CPNE8: variants seen among roughly 807,000 people sequenced by gnomAD.
CPNE8 encodes copine 8.
CPNE8 carries 45 observed loss-of-function variants against 81.5 expected under a neutral mutation model. The observed-to-expected ratio is 0.55, with a 90% CI of 0.44 to 0.71. The LOEUF is 0.71. Among genes scored for constraint, CPNE8 ranks in the 30% least tolerant of loss-of-function variants. The pLI is 0.00. For missense variants in CPNE8, 594 were observed against 672.1 expected (o/e 0.88, Z 1.28); for synonymous variants, 252 against 226.3 (o/e 1.11, Z -1.02).
chr12:38,783,510 C>A (rs1255598054), intron 6 of CPNE8, among the ~76,000 whole-genome samples: 8 of 152,074 alleles, frequency 5.3e-5, no homozygotes, highest in Admixed American at 2.6e-4. Context: ...CTCAGTGCTG[C>A]CCTGTTATAG....
chr12:38,824,258 T>TA (rs1943152787), intron 6 of CPNE8, among the ~76,000 whole-genome samples: 2 of 152,098 alleles, frequency 1.3e-5, no homozygotes, highest in South Asian at 4.1e-4. Flanking sequence ...ATGACAACAA[T>TA]AACCAAAACA....
chr12:38,721,300 TG>T, intron 13 of CPNE8: 1 of 153,780 alleles, frequency 6.5e-6, no homozygotes, highest in East Asian at 1.9e-4. Context: ...TGCTAGGAGC[TG>T]GGGAGATGAT....
intron 8 of CPNE8, among the ~76,000 whole-genome samples, chr12:38,767,429 T>C (rs907105632): frequency 5.3e-5 from 8 of 152,230 alleles, no homozygotes; most frequent in African/African-American, 1.7e-4. Flanking sequence ...TCTATGAAAC[T>C]AGAAATTTTT....
intron 13 of CPNE8, among the ~76,000 whole-genome samples, chr12:38,715,702 A>G (rs977841564): frequency 1.3e-5 from 2 of 152,124 alleles, no homozygotes; most frequent in African/African-American, 4.8e-5. Context: ...AATGGAGAAA[A>G]GTTGAAAGCA....
chr12:38,726,912 A>T (rs1362848149), intron 11 of CPNE8, among the ~76,000 whole-genome samples: 1 of 152,172 alleles, frequency 6.6e-6, no homozygotes, highest in Non-Finnish European at 1.5e-5. Context: ...TTGCATAAAG[A>T]TGTTTTCATT....
rs1197471923 is a variant in CPNE8, at chr12:38,653,046, G to T, written c.*836C>A. On this transcript the variant is annotated 3_prime_UTR_variant, in exon 20 of 20. Transcript: ENST00000331366. ...TCACAGTTAAATAGTCTTGGTTTCAGTCTTTCTAAATAGCATTATTATATA... is the reference window on the plus strand; with the variant it reads ...TCACAGTTAAATAGTCTTGGTTTCATTCTTTCTAAATAGCATTATTATATA... 6.6e-6 allele frequency: 1 copy of T among 152,504 alleles called. No homozygotes were observed. The highest frequency in any genetic ancestry group is 1.5e-5 in the Non-Finnish European group (1 of 68,006). 9.4% of individuals were successfully genotyped at this position (152,504 alleles called of 1,614,324 possible). A position where few individuals can be genotyped will look rare whatever the true frequency, so the allele number is the denominator to read the frequency against.
intron 6 of CPNE8, among the ~76,000 whole-genome samples, chr12:38,779,944 A>G (rs1942011234): frequency 6.6e-6 from 1 of 152,126 alleles, no homozygotes; most frequent in South Asian, 2.1e-4. Flanking sequence ...AATATTTGGA[A>G]CAGAATAGGG....
At chr12:38,779,371 C>A (rs187417776) in intron 6 of CPNE8, among the ~76,000 whole-genome samples, 43 of 152,152 alleles carry the variant, frequency 2.8e-4, no homozygotes, top group Non-Finnish European at 5.6e-4. Flanking sequence ...GTGGGAAATT[C>A]AATAAACAGC....
chr12:38,892,888 A>G (rs1477032510), intron 1 of CPNE8, among the ~76,000 whole-genome samples: 1 of 152,216 alleles, frequency 6.6e-6, no homozygotes, highest in Non-Finnish European at 1.5e-5. Flanking sequence ...TTCTGTTGAG[A>G]GAAAAAACTA....
intron 1 of CPNE8, among the ~76,000 whole-genome samples, chr12:38,880,504 C>A (rs1944136785): frequency 6.6e-6 from 1 of 152,132 alleles, no homozygotes; most frequent in Admixed American, 6.6e-5. Context: ...AATAGGTAAT[C>A]CATTAACTGA....
chr12:38,830,991 T>C (rs905765756), intron 5 of CPNE8, among the ~76,000 whole-genome samples: 1 of 151,952 alleles, frequency 6.6e-6, no homozygotes, highest in African/African-American at 2.4e-5. Flanking sequence ...TTCTTCAGTG[T>C]TGGAGGTGGG....
In CPNE8 at chr12:38,785,722, A is replaced by G. The variant is rs182878913; in HGVS notation, c.408-9421T>C. On this transcript the variant is annotated intron_variant, in intron 6 of 19. Transcript: ENST00000331366. ...TATTAGCACCATGAGACATACAAGA[A>G]GACATATATAGACACAACAAAAAGT... Among the ~76,000 whole-genome samples, 1,422 of 152,344 alleles carry G rather than the reference A, an allele frequency of 9.3e-3. 19 individuals are homozygous for G. The highest frequency in any genetic ancestry group is 0.04 in the South Asian group (195 of 4,832).
chr12:38,796,241 C>T (rs1279511763), intron 6 of CPNE8, among the ~76,000 whole-genome samples: 8 of 152,030 alleles, frequency 5.3e-5, no homozygotes, highest in Admixed American at 2.6e-4. Context: ...GAGCCAAGAT[C>T]GTGCTACTGC....
intron 19 of CPNE8, among the ~76,000 whole-genome samples, chr12:38,661,908 A>AC (rs1938964106): frequency 6.6e-6 from 1 of 152,030 alleles, no homozygotes; most frequent in Admixed American, 6.6e-5. Context: ...AAAAAAAAAA[A>AC]ACACATGATC....
At chr12:38,677,428 C>T (rs1212524891) in intron 17 of CPNE8, 24 bp downstream of exon 17, 3 of 1,286,378 alleles carry the variant, frequency 2.3e-6, no homozygotes, top group Non-Finnish European at 3.4e-6. Flanking sequence ...GTAGCGAGCC[C>T]AATACGGAGT....
At position 38,905,573 on chromosome 12, in the gene CPNE8, A is replaced by G. The variant is rs368022308; in HGVS notation, c.-39T>C. The G allele has an allele frequency of 2.8e-5, 43 of 1,544,310 alleles. No homozygotes were observed. Among genetic ancestry groups the G allele is most frequent in the African/African-American group, 2.7e-4 (20 of 73,282 alleles). ...GCCTTGGACTTGTCCGGCGCCCACA[A>G]CCACAGCTCGGGCGGACTGAGGGCT... On this transcript the variant is annotated 5_prime_UTR_variant, in exon 1 of 20. Transcript: ENST00000331366.
intron 19 of CPNE8, among the ~76,000 whole-genome samples, chr12:38,662,508 A>T (rs555208141): frequency 6.6e-6 from 1 of 152,298 alleles, no homozygotes; most frequent in East Asian, 1.9e-4. Context: ...ACACAAAAAT[A>T]AAAATCTCAT....
At chr12:38,827,073 C>A (rs1467688540) in intron 6 of CPNE8, among the ~76,000 whole-genome samples, 1 of 147,996 alleles carries the variant, frequency 6.8e-6, no homozygotes, top group African/African-American at 2.5e-5. Context: ...CCCAGCTACT[C>A]GGGAGGCTGA....
chr12:38,906,165 ATCCCTCCGTCCCTCCTAC>A, upstream of CPNE8: 1 of 985,508 alleles, frequency 1.0e-6, no homozygotes, highest in African/African-American at 1.7e-5. Flanking sequence ...CTCTTGGGAG[ATCCCTCCGTCCCTCCTAC>A]TGTGCCCTCG....
Sources: allele counts gnomAD v4.1 joint callset (sites outside exome capture counted in the v4.1 genomes callset), GRCh38; gene constraint gnomAD v4.1.1; transcripts MANE v1.5; gene names NCBI Gene and HGNC (gene_info 2026-07-23, HGNC 2026-07-21).